The following SAFB2 variants were observed in gnomAD, a reference collection of about 807,000 sequenced individuals.
SAFB2 encodes the protein scaffold attachment factor B2.
SAFB2 carries 32 observed loss-of-function variants against 100.6 expected under a neutral mutation model. That is an observed-to-expected ratio of 0.32 (90% CI 0.24 to 0.43). The LOEUF is 0.43. SAFB2 is among the 20% of genes least tolerant of loss of function. The probability of loss-of-function intolerance (pLI) is 1.00; values close to 1 mark genes in which losing one functional copy is unlikely to be tolerated. For missense variants in SAFB2, 1,185 were observed against 1,163.4 expected (o/e 1.02, Z -0.27); for synonymous variants, 500 against 439.4 (o/e 1.14, Z -1.72).
intron 6 of SAFB2, 29 bp from the exon 7 acceptor site, chr19:5,611,659 C>G: frequency 5.2e-6 from 2 of 383,828 alleles, no homozygotes; most frequent in Non-Finnish European, 1.0e-5. Context: ...TAGAATGGCA[C>G]AAGGTTTAAT....
intron 9 of SAFB2, among the ~76,000 whole-genome samples, chr19:5,606,909 C>T (rs980524867): frequency 1.8e-4 from 27 of 152,272 alleles, no homozygotes; most frequent in African/African-American, 5.1e-4. Context: ...CAAAAAGCAA[C>T]GAAGAGCACC....
At chr19:5,593,640 A>G (rs2052465243) in intron 15 of SAFB2, 2 of 441,128 alleles carry the variant, frequency 4.5e-6, no homozygotes, top group African/African-American at 4.1e-5. Flanking sequence ...CCCTTCAGCA[A>G]GTGGCAGCCA....
chr19:5,590,256 C>T (rs117819134), intron 18 of SAFB2, 22 bp downstream of exon 18: 15 of 1,549,344 alleles, frequency 9.7e-6, no homozygotes, highest in Admixed American at 3.9e-5. Context: ...GCTCCCCACC[C>T]GGCTGGGGCT....
At chr19:5,595,232 A>C in intron 14 of SAFB2, 129 bp downstream of exon 14, 3 of 1,277,766 alleles carry the variant, frequency 2.3e-6, no homozygotes, top group Non-Finnish European at 3.2e-6. Context: ...ACCCAGGTTA[A>C]GCACGACACC....
At position 5,617,269 on chromosome 19, in the gene SAFB2, CT is replaced by C. The variant is rs372218091; in HGVS notation, c.275-784del. 1.1e-3 allele frequency among the ~76,000 whole-genome samples: 170 copies of C among 149,878 alleles called. 2 individuals carry two copies. Among genetic ancestry groups the C allele is most frequent in the Middle Eastern group, 3.4e-3 (1 of 292 alleles). ...TCTTTGTCATTTTTTAGCTCAAGAACTTTTTTTTTTCCCCCAAGGCAAAAAG... is the reference window on the plus strand; with the variant it reads ...TCTTTGTCATTTTTTAGCTCAAGAACTTTTTTTTTCCCCCAAGGCAAAAAG... On this transcript the variant is annotated intron_variant, in intron 2 of 20. Transcript: ENST00000252542.
At position 5,592,330 on chromosome 19, in the gene SAFB2, T is replaced by C. The variant is rs550113074; in HGVS notation, c.2348+417A>G. 4.6e-5 allele frequency among the ~76,000 whole-genome samples: 7 copies of C among 152,296 alleles called. No individual in the cohort carries two copies. In the East Asian group the frequency reaches 1.3e-3, roughly 29 times the overall value. On this transcript the variant is annotated intron_variant, in intron 16 of 20. Coordinates refer to ENST00000252542, the MANE Select transcript of SAFB2 (RefSeq NM_014649.3). ...AATAAACTAGATGTATTCCTCATTT[T>C]AAAAGGCTAAAAAACCCACCCAGAC...
chr19:5,598,100 A>G (rs1005505555), intron 13 of SAFB2, among the ~76,000 whole-genome samples: 9 of 148,818 alleles, frequency 6.0e-5, no homozygotes, highest in African/African-American at 2.2e-4. Context: ...ACGCCACTGC[A>G]CTCCAGCCTG....
Position 5,587,176 on chromosome 19 carries a change from C to T in SAFB2, c.*67G>A, listed in dbSNP as rs557855891. On this transcript the variant is annotated 3_prime_UTR_variant, in exon 21 of 21. Transcript: ENST00000252542. The surrounding 1 kb of genome is among the most constrained non-coding windows in gnomAD (Gnocchi z 4.9). The stretch of plus-strand genomic sequence containing the variant: ...TGCTTTTAAAAAGATCCCCCAAGTT[C>T]GAGGGAACCCTGGCTACCAGATTCA... The T allele has an allele frequency of 4.4e-6, 7 of 1,581,034 alleles. No individual in the cohort carries two copies. Among genetic ancestry groups the T allele is most frequent in the East Asian group, 4.5e-5 (2 of 44,100 alleles).
Position 5,587,844 on chromosome 19 carries a change from T to C in SAFB2, c.2638+24A>G. On this transcript the variant is annotated intron_variant, in intron 19 of 20. Transcript: ENST00000252542. The surrounding 1 kb of genome is among the most constrained non-coding windows in gnomAD (Gnocchi z 4.9). ...ACACATGTGGGGGCCACAGCCACCC[T>C]CGTCCCTGGAGCCAGCCCCGTACCT... 6.3e-7 allele frequency: 1 copy of C among 1,595,140 alleles called. No individual in the cohort carries two copies. The highest frequency in any genetic ancestry group is 1.1e-5 in the South Asian group (1 of 88,682).
chr19:5,607,130 G>A (rs372192609), intron 9 of SAFB2, among the ~76,000 whole-genome samples: 12 of 152,206 alleles, frequency 7.9e-5, no homozygotes, highest in African/African-American at 2.6e-4. Context: ...GCCTGGTGGC[G>A]GGCACCTGTA....
intron 4 of SAFB2, chr19:5,613,758 T>C (rs2052962315): frequency 1.0e-6 from 1 of 985,212 alleles, no homozygotes; most frequent in Admixed American, 6.1e-5. Flanking sequence ...ATGCCCTGTC[T>C]GTACTGGGTG....
At chr19:5,594,202 C>T in intron 14 of SAFB2, 24 bp from the exon 15 acceptor site, 1 of 1,553,216 alleles carries the variant, frequency 6.4e-7, no homozygotes, top group Non-Finnish European at 8.6e-7. Context: ...TGAGGCTGCC[C>T]TGAACTCCCT....
intron 11 of SAFB2, among the ~76,000 whole-genome samples, chr19:5,601,711 A>AAAATAAATAAAT (rs10647558): frequency 0.032 from 4,680 of 144,754 alleles, 98 homozygotes; most frequent in African/African-American, 0.036. Context: ...ACTCCATCTC[A>AAAATAAATAAAT]AAATAAATAA....
chr19:5,612,073 G>A (rs186366136), intron 6 of SAFB2: 12 of 333,464 alleles, frequency 3.6e-5, no homozygotes, highest in African/African-American at 1.9e-4. Flanking sequence ...GGAGATAAAC[G>A]CAGTCCGGAA....
chr19:5,603,694 CCG>C (rs1346834295), intron 11 of SAFB2, among the ~76,000 whole-genome samples: 3 of 152,096 alleles, frequency 2.0e-5, no homozygotes, highest in South Asian at 2.1e-4. Context: ...CAGGGTGCCA[CCG>C]TGAGAACTCA....
chr19:5,618,719 G>A (rs548117307), intron 2 of SAFB2, among the ~76,000 whole-genome samples: 106 of 152,290 alleles, frequency 7.0e-4, no homozygotes, highest in African/African-American at 2.4e-3. Flanking sequence ...CACATAGGCC[G>A]GAAATAGGAG....
chr19:5,610,503 G>T (rs928816469), intron 8 of SAFB2, 136 bp downstream of exon 8: 2 of 693,564 alleles, frequency 2.9e-6, no homozygotes, highest in East Asian at 5.6e-5. Flanking sequence ...AGTCTCTCAA[G>T]AAACCATTAG....
intron 8 of SAFB2, 140 bp from the exon 9 acceptor site, chr19:5,610,235 A>G (rs2052880210): frequency 9.0e-6 from 6 of 666,504 alleles, no homozygotes; most frequent in East Asian, 8.2e-5. Flanking sequence ...GCACACACAC[A>G]TGCCAACACA....
intron 6 of SAFB2, chr19:5,611,852 C>A: frequency 2.7e-6 from 2 of 734,608 alleles, no homozygotes; most frequent in East Asian, 2.7e-5. Context: ...GAAAAGGCCC[C>A]CACAGATTTA....
Sources: gnomAD v4.1 joint callset for allele counts (sites outside exome capture counted in the v4.1 genomes callset) on GRCh38, gnomAD v4.1.1 for gene constraint, Gnocchi (gnomAD v3.1) non-coding constraint, MANE v1.5 for transcripts, NCBI Gene and HGNC (gene_info 2026-07-23, HGNC 2026-07-21) for gene names.